The following FHIT variants were observed in gnomAD, a reference collection of about 807,000 sequenced individuals.
The protein encoded by FHIT is bis(5'-adenosyl)-triphosphatase.
FHIT carries 19 observed loss-of-function variants against 17.9 expected under a neutral mutation model. That is an observed-to-expected ratio of 1.06 (90% confidence interval 0.74 to 1.56). The LOEUF is 1.56. FHIT is among the 40% of genes most tolerant of loss of function. The pLI is 0.00. For missense variants in FHIT, 248 were observed against 189.2 expected, an observed-to-expected ratio of 1.31 and a Z score of -1.82; for synonymous variants, 81 against 69.7, an observed-to-expected ratio of 1.16 and a Z score of -0.81.
chr3:60,112,019 A>G (rs180703753), intron 5 of FHIT, among the ~76,000 whole-genome samples: 130 of 152,352 alleles, frequency 8.5e-4, no homozygotes, highest in Middle Eastern at 6.8e-3. Context: ...ATAAACCATA[A>G]GAGAAATTAT....
At chr3:60,785,884 C>T (rs183705989) in intron 4 of FHIT, among the ~76,000 whole-genome samples, 146 of 139,462 alleles carry the variant, frequency 1.0e-3, no homozygotes, top group Non-Finnish European at 2.5e-4. Context: ...AACTCAAATG[C>T]AACAAACAGA....
rs895610249 is a variant in FHIT, at chr3:59,922,236, T to A, written c.348+110A>T. The stretch of plus-strand genomic sequence containing the variant: ...TTGCCACTTTCCAAGTCTGGCTAAA[T>A]AGAATTCCATTTCAGACCATATCTA... On this transcript the variant is annotated intron_variant, in intron 8 of 9. Transcript: ENST00000492590. 36 of 999,948 alleles carry A rather than the reference T, an allele frequency of 3.6e-5. 1 individual carries two copies. In the South Asian group the frequency reaches 5.1e-4, roughly 14 times the overall value. The allele number at this position is 999,948 out of a possible 1,614,324, so 61.9% of individuals were successfully genotyped here. A position where few individuals can be genotyped will look rare whatever the true frequency, so the allele number is the denominator to read the frequency against.
chr3:60,115,552 T>C (rs1483187686), intron 5 of FHIT, among the ~76,000 whole-genome samples: 1 of 152,182 alleles, frequency 6.6e-6, no homozygotes, highest in Non-Finnish European at 1.5e-5. Flanking sequence ...TTGGCCTACA[T>C]ATCAAAATAT....
intron 5 of FHIT, among the ~76,000 whole-genome samples, chr3:60,155,778 T>A (rs984475399): frequency 1.3e-5 from 2 of 152,120 alleles, no homozygotes; most frequent in African/African-American, 4.8e-5. Flanking sequence ...TTGTGGAGAA[T>A]CGCAGAAGTG....
At chr3:60,844,036 A>G (rs1416466235) in intron 3 of FHIT, among the ~76,000 whole-genome samples, 1 of 152,176 alleles carries the variant, frequency 6.6e-6, no homozygotes, top group Non-Finnish European at 1.5e-5. Flanking sequence ...ACTGATTTCA[A>G]AATAGGGCAA....
At chr3:61,148,638 T>C (rs2037296654) in intron 2 of FHIT, among the ~76,000 whole-genome samples, 1 of 152,200 alleles carries the variant, frequency 6.6e-6, no homozygotes, top group African/African-American at 2.4e-5. Context: ...AGTGCTTGGC[T>C]ATTATAAATA....
At chr3:60,726,635 C>T (rs1020629762) in intron 4 of FHIT, among the ~76,000 whole-genome samples, 1 of 152,190 alleles carries the variant, frequency 6.6e-6, no homozygotes, top group Middle Eastern at 3.4e-3. Context: ...CTAGCTGTGT[C>T]CTTAATGATA....
At chr3:61,022,061 G>T (rs1454215060) in intron 3 of FHIT, among the ~76,000 whole-genome samples, 1 of 152,050 alleles carries the variant, frequency 6.6e-6, no homozygotes, top group African/African-American at 2.4e-5. Flanking sequence ...CCAGTAGCTG[G>T]GTTTTTGAAA....
chr3:60,291,294 G>A (rs1461211620), intron 5 of FHIT, among the ~76,000 whole-genome samples: 1 of 152,120 alleles, frequency 6.6e-6, no homozygotes, highest in Non-Finnish European at 1.5e-5. Context: ...TGGACCAGGT[G>A]TGCCATTTGT....
At chr3:60,511,496 C>G (rs1000097708) in intron 5 of FHIT, among the ~76,000 whole-genome samples, 7 of 151,870 alleles carry the variant, frequency 4.6e-5, no homozygotes, top group African/African-American at 1.7e-4. Context: ...TGTTAAAATT[C>G]TGAAATTATT....
chr3:60,757,802 T>C (rs1200977064), intron 4 of FHIT, among the ~76,000 whole-genome samples: 1 of 152,076 alleles, frequency 6.6e-6, no homozygotes, highest in African/African-American at 2.4e-5. Context: ...ATGAACAGAT[T>C]GGTGGTTTTA....
chr3:59,911,984 C>T (rs1035973227), intron 8 of FHIT, among the ~76,000 whole-genome samples: 13 of 152,270 alleles, frequency 8.5e-5, no homozygotes, highest in South Asian at 2.1e-4. Context: ...AGAAAAGAAC[C>T]CAGACTCTGG....
intron 5 of FHIT, among the ~76,000 whole-genome samples, chr3:60,479,291 A>G (rs374563866): frequency 6.4e-4 from 97 of 152,306 alleles, no homozygotes; most frequent in African/African-American, 2.2e-3. Context: ...GGAGATGACT[A>G]TCATACCAAT....
At chr3:60,359,237 T>C (rs1222511799) in intron 5 of FHIT, among the ~76,000 whole-genome samples, 1 of 151,832 alleles carries the variant, frequency 6.6e-6, no homozygotes, top group Admixed American at 6.6e-5. Flanking sequence ...CTGAGAAAAT[T>C]AGATTTCCAA....
intron 3 of FHIT, among the ~76,000 whole-genome samples, chr3:61,011,074 T>A (rs1420353217): frequency 1.3e-5 from 2 of 152,192 alleles, no homozygotes; most frequent in African/African-American, 4.8e-5. Context: ...GTGGAAATCT[T>A]GAAGTAATGG....
chr3:59,766,523 A>G (rs1364845544), intron 8 of FHIT, among the ~76,000 whole-genome samples: 2 of 152,202 alleles, frequency 1.3e-5, no homozygotes, highest in Non-Finnish European at 1.5e-5. Context: ...TAAGAGCTTT[A>G]TGTCTGTGAG....
chr3:60,007,916 A>G (rs543920979), intron 7 of FHIT, among the ~76,000 whole-genome samples: 1 of 152,254 alleles, frequency 6.6e-6, no homozygotes, highest in South Asian at 2.1e-4. Flanking sequence ...AGACAAATGG[A>G]AAAAGGTCAG....
intron 1 of FHIT, among the ~76,000 whole-genome samples, chr3:61,227,419 A>G (rs1005140382): frequency 6.6e-6 from 1 of 152,200 alleles, no homozygotes; most frequent in African/African-American, 2.4e-5. Context: ...ACTTTAAAAA[A>G]TCTAATTTAT....
At chr3:60,668,818 C>G (rs1625810) in intron 4 of FHIT, among the ~76,000 whole-genome samples, 144,581 of 152,114 alleles carry the variant, frequency 0.95, 68,776 homozygotes, top group East Asian at 1. Flanking sequence ...ACCTGCCTCG[C>G]CCTCCCAAAG....
Sources: gnomAD v4.1 joint callset for allele counts (sites outside exome capture counted in the v4.1 genomes callset) on GRCh38, gnomAD v4.1.1 for gene constraint, MANE v1.5 for transcripts, NCBI Gene and HGNC (gene_info 2026-07-23, HGNC 2026-07-21) for gene names.